Variants in LRBA observed in about 807,000 individuals in gnomAD.
LRBA encodes the protein lipopolysaccharide-responsive and beige-like anchor protein.
Under a neutral mutation model 330.0 loss-of-function variants are expected in LRBA, and 176 were observed. That is an observed-to-expected ratio of 0.53 (90% CI 0.47 to 0.60). The LOEUF (loss-of-function observed/expected upper bound fraction) is 0.60. LRBA is among the 20% of genes least tolerant of loss of function. The pLI is 0.00. For missense variants in LRBA, 3,259 were observed against 3,444.8 expected, an observed-to-expected ratio of 0.95 and a Z score of 1.35; for synonymous variants, 1,230 against 1,193.0, an observed-to-expected ratio of 1.03 and a Z score of -0.64.
chr4:150,622,687 T>A (rs1776415617), intron 37 of LRBA, among the ~76,000 whole-genome samples: 1 of 95,384 alleles, frequency 1.0e-5, no homozygotes, highest in Non-Finnish European at 2.1e-5. Flanking sequence ...CCTAAATCAA[T>A]CTTTTTTTTT....
intron 34 of LRBA, among the ~76,000 whole-genome samples, chr4:150,769,301 C>T (rs1736222907): frequency 6.6e-6 from 1 of 151,396 alleles, no homozygotes; most frequent in Non-Finnish European, 1.5e-5. Context: ...AGACACAGAA[C>T]GAATGGGAAG....
intron 38 of LRBA, among the ~76,000 whole-genome samples, 155 bp downstream of exon 38, chr4:150,598,852 G>A (rs1375646194): frequency 1.3e-5 from 2 of 152,126 alleles, no homozygotes; most frequent in Non-Finnish European, 2.9e-5. Context: ...GGACTCTATA[G>A]TAACTATAAA....
rs200986195 is a variant in LRBA, at chr4:150,872,652, G to A, written c.2258+11C>T. ...AATACAACAGTCCATCTTAGATTTCGGCATACTTACTTTGGGGCCAGATGT... is the reference window on the plus strand; with the variant it reads ...AATACAACAGTCCATCTTAGATTTCAGCATACTTACTTTGGGGCCAGATGT... On this transcript the variant is annotated intron_variant, in intron 18 of 56. Coordinates refer to ENST00000651943, the MANE Select transcript of LRBA (RefSeq NM_001364905.1). 256 of 1,562,374 alleles carry A rather than the reference G, an allele frequency of 1.6e-4. No individual in the cohort carries two copies. The African/African-American group carries it at 2.9e-3, about 18-fold the overall frequency.
At chr4:150,304,494 T>TA (rs58335821) in intron 52 of LRBA, among the ~76,000 whole-genome samples, 26,396 of 152,006 alleles carry the variant, frequency 0.17, 2,760 homozygotes, top group East Asian at 0.26. Context: ...AAAACTAATA[T>TA]AGTACTTTTT....
chr4:150,426,510 C>T (rs968604189), intron 46 of LRBA, among the ~76,000 whole-genome samples: 1 of 151,860 alleles, frequency 6.6e-6, no homozygotes, highest in African/African-American at 2.4e-5. Context: ...CCTTACTCAC[C>T]TCAATTGCCA....
intron 2 of LRBA, among the ~76,000 whole-genome samples, chr4:150,973,449 G>A (rs188623465): frequency 1.1e-3 from 166 of 152,280 alleles, no homozygotes; most frequent in Non-Finnish European, 1.6e-3. Flanking sequence ...TTACAGGCGT[G>A]AGCTACCATG....
intron 33 of LRBA, among the ~76,000 whole-genome samples, chr4:150,805,678 C>T (rs113539051): frequency 1.5e-3 from 219 of 144,914 alleles, no homozygotes; most frequent in African/African-American, 5.0e-3. Context: ...GGAAAAGAAA[C>T]GAAAGGAAAG....
chr4:150,384,765 T>C (rs11723215), intron 47 of LRBA, among the ~76,000 whole-genome samples: 32,786 of 151,570 alleles, frequency 0.22, 4,303 homozygotes, highest in Non-Finnish European at 0.3. Context: ...TTTTTTTTTT[T>C]CAGAGGAAAG....
At chr4:150,822,775 A>C (rs1018679285) in intron 30 of LRBA, among the ~76,000 whole-genome samples, 2 of 152,094 alleles carry the variant, frequency 1.3e-5, no homozygotes, top group Non-Finnish European at 2.9e-5. Context: ...ATAAATAAAA[A>C]TTGAAGCCAG....
chr4:150,483,886 G>C, intron 42 of LRBA, among the ~76,000 whole-genome samples: 1 of 152,016 alleles, frequency 6.6e-6, no homozygotes, highest in African/African-American at 2.4e-5. Flanking sequence ...TTTATTTTTT[G>C]ATAGTATTTA....
At chr4:150,939,181 C>T (rs1323448451) in intron 2 of LRBA, among the ~76,000 whole-genome samples, 5 of 152,094 alleles carry the variant, frequency 3.3e-5, no homozygotes. Flanking sequence ...GAATTGTGTT[C>T]TCCAAGAGGA....
chr4:150,784,603 A>C (rs1436028580), intron 34 of LRBA, among the ~76,000 whole-genome samples: 1 of 151,956 alleles, frequency 6.6e-6, no homozygotes, highest in Non-Finnish European at 1.5e-5. Flanking sequence ...ATCAGACACC[A>C]CCTCCTCCAG....
intron 51 of LRBA, among the ~76,000 whole-genome samples, chr4:150,312,580 A>G (rs1731205167): frequency 6.6e-6 from 1 of 152,162 alleles, no homozygotes; most frequent in Middle Eastern, 3.2e-3. Context: ...CTGAGGTAAT[A>G]CTGAAAAGTG....
intron 47 of LRBA, among the ~76,000 whole-genome samples, chr4:150,402,500 T>A (rs896125228): frequency 2.6e-5 from 4 of 152,008 alleles, no homozygotes; most frequent in Non-Finnish European, 5.9e-5. Context: ...TTTCTCAAAA[T>A]AAAAACCAGG....
At chr4:150,512,520 T>C (rs1761932700) in intron 40 of LRBA, among the ~76,000 whole-genome samples, 1 of 152,044 alleles carries the variant, frequency 6.6e-6, no homozygotes, top group South Asian at 2.1e-4. Context: ...CAGAAAGCTC[T>C]CTAGCCCTCT....
At chr4:150,949,301 A>C (rs1318061418) in intron 2 of LRBA, among the ~76,000 whole-genome samples, 2 of 152,100 alleles carry the variant, frequency 1.3e-5, no homozygotes, top group East Asian at 3.9e-4. Flanking sequence ...GCAATCTAGA[A>C]GAATCTCCAG....
chr4:150,818,270 G>A lies in LRBA; in HGVS notation c.5172-1013C>T, dbSNP rs976522021. Among the ~76,000 whole-genome samples the A allele has an allele frequency of 2.6e-5, 4 of 151,890 alleles. No individual in the cohort carries two copies. In the East Asian group the frequency reaches 5.8e-4, roughly 22 times the overall value. ...ACACACACAAAGCAAAATAGGTTTC[G>A]TTTTACCTCAGTGCCTATCATGTGA... On this transcript the variant is annotated intron_variant, in intron 30 of 56. Coordinates refer to ENST00000651943, the MANE Select transcript of LRBA (RefSeq NM_001364905.1).
intron 31 of LRBA, among the ~76,000 whole-genome samples, chr4:150,810,186 T>G (rs1477921271): frequency 6.6e-6 from 1 of 152,162 alleles, no homozygotes; most frequent in Non-Finnish European, 1.5e-5. Flanking sequence ...CCCTCAGTTC[T>G]GATTACCAGG....
Position 150,938,612 on chromosome 4 carries a change from A to G in LRBA, c.217-9547T>C, listed in dbSNP as rs1397232281. On this transcript the variant is annotated intron_variant, in intron 2 of 56. Coordinates refer to ENST00000651943, the MANE Select transcript of LRBA (RefSeq NM_001364905.1). ...GTGCAACCTCTAGGTATTATTCTTT[A>G]AAGAAAGAAACCTGACCCCTTTTTC... is the stretch of plus-strand genomic sequence containing the variant. Among the ~76,000 whole-genome samples, 6 of 152,172 alleles carry G rather than the reference A, an allele frequency of 3.9e-5. No individual in the cohort carries two copies. In the East Asian group the frequency reaches 1.2e-3, roughly 29 times the overall value.
Sources: gnomAD v4.1 joint callset for allele counts (sites outside exome capture counted in the v4.1 genomes callset) on GRCh38, gnomAD v4.1.1 for gene constraint, MANE v1.5 for transcripts, NCBI Gene and HGNC (gene_info 2026-07-23, HGNC 2026-07-21) for gene names.